The following GRIN2B variants were observed in gnomAD, a reference collection of about 807,000 sequenced individuals.
GRIN2B encodes glutamate receptor ionotropic, NMDA 2B.
GRIN2B carries 5 observed loss-of-function variants against 114.5 expected under a neutral mutation model. That is an observed-to-expected ratio of 0.04 (90% CI 0.02 to 0.09). GRIN2B has a LOEUF of 0.09. Among genes scored for constraint, GRIN2B ranks in the 10% least tolerant of loss-of-function variants. The pLI is 1.00. For synonymous variants in GRIN2B, 787 were observed against 745.1 expected, an observed-to-expected ratio of 1.06 and a Z score of -0.92; for missense variants, 1,108 against 1,943.5, an observed-to-expected ratio of 0.57 and a Z score of 8.08.
rs995703437 is a variant in GRIN2B at position 13,537,608 on chromosome 12, G to A, written c.*25175C>T. 2 of 152,172 alleles carry A rather than the reference G, an allele frequency of 1.3e-5. No individual in the cohort carries two copies. Among genetic ancestry groups the A allele is most frequent in the African/African-American group, 4.8e-5 (2 of 41,432 alleles). The allele number at this position is 152,172 out of a possible 1,614,324, so 9.4% of individuals were successfully genotyped here. A position where few individuals can be genotyped will look rare whatever the true frequency, so the allele number is the denominator to read the frequency against. On this transcript the variant is annotated 3_prime_UTR_variant, in exon 14 of 14. Coordinates refer to ENST00000609686, the MANE Select transcript of GRIN2B (RefSeq NM_000834.5). ...ACAGCTGCCACATATAATGGGATTA[G>A]AAGTAAATAGGAGGCCCGCTTTCCC...
At position 13,558,799 on chromosome 12, in the gene GRIN2B, C is replaced by T. The variant is rs964260992; in HGVS notation, c.*3984G>A. 6.6e-6 allele frequency: 1 copy of T among 152,180 alleles called. No individual in the cohort carries two copies. The highest frequency in any genetic ancestry group is 6.5e-5 in the Admixed American group (1 of 15,288). 9.4% of individuals were successfully genotyped at this position (152,180 alleles called of 1,614,324 possible). A position where few individuals can be genotyped will look rare whatever the true frequency, so the allele number is the denominator to read the frequency against. On this transcript the variant is annotated 3_prime_UTR_variant, in exon 14 of 14. Coordinates refer to ENST00000609686, the MANE Select transcript of GRIN2B (RefSeq NM_000834.5). ...TACACAGTGACAGATTTTGAAATAA[C>T]AAAGTCCACTGTACATGCATCACTT...
chr12:13,901,185 A>G (rs977321359), intron 2 of GRIN2B, among the ~76,000 whole-genome samples: 5 of 152,294 alleles, frequency 3.3e-5, no homozygotes, highest in South Asian at 2.1e-4. Flanking sequence ...AGTTGAGTAT[A>G]TATCGGCAAT....
intron 3 of GRIN2B, among the ~76,000 whole-genome samples, chr12:13,847,212 A>T (rs1383051006): frequency 6.6e-6 from 1 of 152,172 alleles, no homozygotes; most frequent in Non-Finnish European, 1.5e-5. Context: ...AATCTAAAAA[A>T]TTTATATTAT....
At chr12:13,880,271 GAAAACAAGTGAGGCAC>G (rs1866051025) in intron 2 of GRIN2B, among the ~76,000 whole-genome samples, 1 of 152,206 alleles carries the variant, frequency 6.6e-6, no homozygotes, top group African/African-American at 2.4e-5. Context: ...CCTTAAGTCA[GAAAACAAGTGAGGCAC>G]AAAACATATT....
intron 10 of GRIN2B, among the ~76,000 whole-genome samples, chr12:13,575,150 T>C (rs2136419838): frequency 6.6e-6 from 1 of 152,336 alleles, no homozygotes; most frequent in African/African-American, 2.4e-5. Context: ...CAGAGATTTC[T>C]TAGCTACAAC....
At chr12:13,848,569 T>G (rs1436459742) in intron 3 of GRIN2B, among the ~76,000 whole-genome samples, 1 of 152,150 alleles carries the variant, frequency 6.6e-6, no homozygotes, top group African/African-American at 2.4e-5. Context: ...ATTGCATAAC[T>G]TTTCCCTGAA....
chr12:13,812,096 T>C lies in GRIN2B; in HGVS notation c.411+53702A>G, dbSNP rs929963447. 8.3e-4 allele frequency among the ~76,000 whole-genome samples: 126 copies of C among 152,212 alleles called. 7 individuals carry two copies. The highest frequency in any genetic ancestry group is 1.5e-5 in the Non-Finnish European group (1 of 68,048). On this transcript the variant is annotated intron_variant, in intron 3 of 13. Coordinates refer to ENST00000609686, the MANE Select transcript of GRIN2B (RefSeq NM_000834.5). ...TAATATATTCTGTATTCTGAAGACATACTGGTGTTCACAGGCAGGGTTAAA... is the reference window on the plus strand; with the variant it reads ...TAATATATTCTGTATTCTGAAGACACACTGGTGTTCACAGGCAGGGTTAAA...
intron 2 of GRIN2B, among the ~76,000 whole-genome samples, chr12:13,874,204 G>A (rs750044293): frequency 5.3e-5 from 8 of 152,146 alleles, no homozygotes; most frequent in Admixed American, 6.6e-5. Flanking sequence ...CTCATTCTTC[G>A]TTCAACCAGA....
chr12:13,980,220 G>C lies in GRIN2B; in HGVS notation c.-311C>G, dbSNP rs1863106931. Reference sequence around the variant, plus strand: ...CGTGTGCATGTGAGGTTAGTGGCTGGAATAGATTTTTAACGCTTCTTCTGG... The same window carrying C: ...CGTGTGCATGTGAGGTTAGTGGCTGCAATAGATTTTTAACGCTTCTTCTGG... On this transcript the variant is annotated 5_prime_UTR_variant, in exon 2 of 14. Coordinates refer to ENST00000609686, the MANE Select transcript of GRIN2B (RefSeq NM_000834.5). 6.6e-6 allele frequency: 1 copy of C among 152,196 alleles called. No individual in the cohort carries two copies. The highest frequency in any genetic ancestry group is 1.5e-5 in the Non-Finnish European group (1 of 68,058). 9.4% of individuals were successfully genotyped at this position (152,196 alleles called of 1,614,324 possible). A position where few individuals can be genotyped will look rare whatever the true frequency, so the allele number is the denominator to read the frequency against.
At chr12:13,698,733 A>G (rs1180214718) in intron 4 of GRIN2B, among the ~76,000 whole-genome samples, 1 of 152,208 alleles carries the variant, frequency 6.6e-6, no homozygotes, top group East Asian at 1.9e-4. Flanking sequence ...CCCATGCTGC[A>G]GTGCAGTGGC....
At chr12:13,949,291 G>A (rs1397850310) in intron 2 of GRIN2B, among the ~76,000 whole-genome samples, 1 of 152,180 alleles carries the variant, frequency 6.6e-6, no homozygotes, top group Non-Finnish European at 1.5e-5. Flanking sequence ...GAAGATTCTG[G>A]TTGCTACAGA....
intron 3 of GRIN2B, among the ~76,000 whole-genome samples, chr12:13,802,794 G>A (rs990344750): frequency 1.3e-5 from 2 of 152,126 alleles, no homozygotes; most frequent in African/African-American, 4.8e-5. Flanking sequence ...CTACTATCTA[G>A]TGAGATTAAC....
intron 2 of GRIN2B, among the ~76,000 whole-genome samples, chr12:13,922,615 C>G (rs539033386): frequency 6.6e-6 from 1 of 152,228 alleles, no homozygotes; most frequent in Admixed American, 6.5e-5. Context: ...TGGTGGGGAG[C>G]CTGTGGCACC....
At chr12:13,612,995 T>C (rs1949384546) in intron 8 of GRIN2B, among the ~76,000 whole-genome samples, 2 of 152,258 alleles carry the variant, frequency 1.3e-5, no homozygotes, top group Non-Finnish European at 1.5e-5. Context: ...ACCTACTTTG[T>C]TATTGAACTC....
At position 13,869,895 on chromosome 12, in the gene GRIN2B, CT is replaced by C. The variant is rs374313077; in HGVS notation, c.-18-3670del. Among the ~76,000 whole-genome samples the C allele has an allele frequency of 4.8e-4, 73 of 152,302 alleles. No homozygotes were observed. In the East Asian group the frequency reaches 0.014, roughly 29 times the overall value. On this transcript the variant is annotated intron_variant, in intron 2 of 13. Coordinates refer to ENST00000609686, the MANE Select transcript of GRIN2B (RefSeq NM_000834.5). ...GTGAAACCAGGATAATATACCTAACCTACATACCTGAAAGATTTTTGTGAAG... is the reference window on the plus strand; with the variant it reads ...GTGAAACCAGGATAATATACCTAACCACATACCTGAAAGATTTTTGTGAAG...
At chr12:13,585,566 G>A (rs1257326200) in intron 10 of GRIN2B, among the ~76,000 whole-genome samples, 4 of 152,102 alleles carry the variant, frequency 2.6e-5, no homozygotes, top group African/African-American at 9.7e-5. Flanking sequence ...GGTTCACAAC[G>A]GACCATCACA....
chr12:13,852,402 T>C (rs1347075713), intron 3 of GRIN2B, among the ~76,000 whole-genome samples: 1 of 152,224 alleles, frequency 6.6e-6, no homozygotes, highest in Non-Finnish European at 1.5e-5. Flanking sequence ...AAGCCAATTA[T>C]AATGTATCTA....
chr12:13,888,433 A>G (rs1014484750), intron 2 of GRIN2B, among the ~76,000 whole-genome samples: 1 of 46,460 alleles, frequency 2.2e-5, no homozygotes. Context: ...ACAGCATAAA[A>G]GATAAAAAAA....
chr12:13,783,882 C>T (rs1411639993), intron 3 of GRIN2B, among the ~76,000 whole-genome samples: 1 of 152,042 alleles, frequency 6.6e-6, no homozygotes, highest in Non-Finnish European at 1.5e-5. Context: ...TCAGAATTTG[C>T]ACCTTAGCAG....
Sources: allele counts gnomAD v4.1 joint callset (sites outside exome capture counted in the v4.1 genomes callset), GRCh38; gene constraint gnomAD v4.1.1; transcripts MANE v1.5; gene names NCBI Gene and HGNC (gene_info 2026-07-23, HGNC 2026-07-21).